The following AAK1 variants were observed in gnomAD, a reference collection of about 807,000 sequenced individuals.
AAK1 encodes the protein AP2-associated protein kinase 1.
AAK1 carries 37 observed loss-of-function variants against 116.0 expected under a neutral mutation model. The ratio of observed to expected loss-of-function variants is 0.32; its 90% CI spans 0.25 to 0.42. The LOEUF (loss-of-function observed/expected upper bound fraction) is 0.42, where lower values mean the gene tolerates loss of function less well. Among genes scored for constraint, AAK1 ranks in the 10% least tolerant of loss-of-function variants. AAK1 has a pLI of 1.00. For synonymous variants in AAK1, 458 were observed against 439.9 expected (o/e 1.04, Z -0.51); for missense variants, 919 against 1,170.6 (o/e 0.79, Z 3.14).
rs759412496 is a variant in AAK1 at position 69,520,954 on chromosome 2, T to C, written c.1090A>G (p.Ile364Val). 1.2e-5 allele frequency: 19 copies of C among 1,613,808 alleles called. No homozygotes were observed. Among genetic ancestry groups the C allele is most frequent in the South Asian group, 3.3e-5 (3 of 91,060 alleles). ...GCTTTAGGCCTCTGGCGGGGTGCAA[T>C]TGAAGTCTCTGTGGTGGGAATGGGA... Reference protein sequence around the residue: ...TDPIPTTETSIAPRQRPKAGQ... With the variant: ...TDPIPTTETSVAPRQRPKAGQ... Residue 364 changes from isoleucine (I) to valine (V), a missense_variant, in exon 11 of 22, where the codon ATT (isoleucine) becomes GTT (valine). Transcript: ENST00000409085.
At chr2:69,490,351 T>G (rs980525593) in intron 17 of AAK1, among the ~76,000 whole-genome samples, 2 of 152,172 alleles carry the variant, frequency 1.3e-5, no homozygotes, top group Non-Finnish European at 2.9e-5. Context: ...AAGAGAAATT[T>G]GTGCACTCAA....
intron 2 of AAK1, among the ~76,000 whole-genome samples, chr2:69,609,658 C>T (rs922896260): frequency 6.6e-6 from 1 of 151,276 alleles, no homozygotes; most frequent in African/African-American, 2.4e-5. Context: ...AGTGAGACTC[C>T]ATCTAAAAAA....
chr2:69,469,610 C>G lies in AAK1; in HGVS notation c.*6259G>C. Reference sequence around the variant, plus strand: ...GCAGATACCCTGTGGCCATAGAGCTCAGTAAACACTGCCTGTTGTACCTCA... The same window carrying G: ...GCAGATACCCTGTGGCCATAGAGCTGAGTAAACACTGCCTGTTGTACCTCA... On this transcript the variant is annotated 3_prime_UTR_variant, in exon 22 of 22. Transcript: ENST00000409085. The G allele has an allele frequency of 7.1e-6, 7 of 985,456 alleles. No homozygotes were observed. The highest frequency in any genetic ancestry group is 8.4e-6 in the Non-Finnish European group (7 of 829,968). 61.0% of individuals were successfully genotyped at this position (985,456 alleles called of 1,614,324 possible). A position where few individuals can be genotyped will look rare whatever the true frequency, so the allele number is the denominator to read the frequency against.
Position 69,470,688 on chromosome 2 carries a change from C to T in AAK1, c.*5181G>A. 2 of 985,450 alleles carry T rather than the reference C, an allele frequency of 2.0e-6. No individual in the cohort carries two copies. The highest frequency in any genetic ancestry group is 2.4e-6 in the Non-Finnish European group (2 of 829,928). 61.0% of individuals were successfully genotyped at this position (985,450 alleles called of 1,614,324 possible). A position where few individuals can be genotyped will look rare whatever the true frequency, so the allele number is the denominator to read the frequency against. ...TTTACAACCCTGAGTCTGGTCATATCCAGTGTAGGCTGGCAGGCGTCTTAT... is the reference window on the plus strand; with the variant it reads ...TTTACAACCCTGAGTCTGGTCATATTCAGTGTAGGCTGGCAGGCGTCTTAT... On this transcript the variant is annotated 3_prime_UTR_variant, in exon 22 of 22. Transcript: ENST00000409085.
intron 2 of AAK1, among the ~76,000 whole-genome samples, chr2:69,638,231 A>G (rs898912007): frequency 1.1e-4 from 17 of 152,218 alleles, no homozygotes; most frequent in Non-Finnish European, 2.1e-4. Flanking sequence ...AAGATTCTCC[A>G]TAAAATTAGT....
At chr2:69,557,301 C>CGTTT (rs1312817253) in intron 2 of AAK1, among the ~76,000 whole-genome samples, 2 of 136,738 alleles carry the variant, frequency 1.5e-5, no homozygotes, top group African/African-American at 2.7e-5. Flanking sequence ...ATCCTATGTA[C>CGTTT]TTTTTTTTTT....
Position 69,465,676 on chromosome 2 carries a change from A to G in AAK1, c.*10193T>C. On this transcript the variant is annotated 3_prime_UTR_variant, in exon 22 of 22. Transcript: ENST00000409085. ...AATGGTTTGCCAGCCATGGGGCCTG[A>G]GACAGCTTCTTTCTGGAGCTGAGGT... 1 of 1,290,956 alleles carries G rather than the reference A, an allele frequency of 7.7e-7. No homozygotes were observed. The highest frequency in any genetic ancestry group is 5.5e-5 in the East Asian group (1 of 18,024). The allele number at this position is 1,290,956 out of a possible 1,614,324, so 80.0% of individuals were successfully genotyped here.
At position 69,581,779 on chromosome 2, in the gene AAK1, C is replaced by T. The variant is rs1055116332; in HGVS notation, c.164-24801G>A. On this transcript the variant is annotated intron_variant, in intron 2 of 21. Transcript: ENST00000409085. ...ATCACTTGAGCCCAGGAATTTGAGA[C>T]CGGCCTGGGCAACACAGCGAGACCC... is the stretch of plus-strand genomic sequence containing the variant. Among the ~76,000 whole-genome samples, 6 of 152,058 alleles carry T rather than the reference C, an allele frequency of 3.9e-5. No homozygotes were observed. The South Asian group carries it at 1.2e-3, about 31-fold the overall frequency.
intron 2 of AAK1, among the ~76,000 whole-genome samples, chr2:69,617,999 A>G (rs1342378333): frequency 6.6e-6 from 1 of 152,206 alleles, no homozygotes; most frequent in Non-Finnish European, 1.5e-5. Context: ...GAAGGGCTTC[A>G]CTAAGAATTA....
intron 2 of AAK1, among the ~76,000 whole-genome samples, chr2:69,562,063 G>A (rs193120592): frequency 6.6e-6 from 1 of 152,256 alleles, no homozygotes; most frequent in African/African-American, 2.4e-5. Context: ...TATGGACATA[G>A]ATAATTATTT....
rs1008472635 is a variant in AAK1, at chr2:69,643,184, G to A, written c.-144C>T. The A allele has an allele frequency of 7.0e-7, 1 of 1,434,346 alleles. No homozygotes were observed. Among genetic ancestry groups the A allele is most frequent in the South Asian group, 1.6e-5 (1 of 64,312 alleles). The allele number at this position is 1,434,346 out of a possible 1,614,324, so 88.9% of individuals were successfully genotyped here. On this transcript the variant is annotated 5_prime_UTR_variant, in exon 2 of 22. Coordinates refer to ENST00000409085, the MANE Select transcript of AAK1 (RefSeq NM_014911.5). Reference sequence around the variant, plus strand: ...CCACCCGAATCCGGCCGTGGGGGTGGGGGCTGAGGGAGGATGCCTATAGGA... The same window carrying A: ...CCACCCGAATCCGGCCGTGGGGGTGAGGGCTGAGGGAGGATGCCTATAGGA...
intron 2 of AAK1, among the ~76,000 whole-genome samples, chr2:69,589,089 AT>A (rs1433596224): frequency 6.6e-6 from 1 of 152,230 alleles, no homozygotes; most frequent in African/African-American, 2.4e-5. Context: ...GGGGTTAAAG[AT>A]CAAAGTTCAG....
intron 2 of AAK1, among the ~76,000 whole-genome samples, chr2:69,618,199 A>AAAGAATTC: frequency 6.6e-6 from 1 of 152,106 alleles, no homozygotes; most frequent in Admixed American, 6.5e-5. Context: ...AAAGGAGAAA[A>AAAGAATTC]AAGAATTCAT....
At position 69,480,922 on chromosome 2, in the gene AAK1, A is replaced by C. The variant is rs749497177; in HGVS notation, c.2507T>G (p.Leu836Arg). 1 of 1,607,712 alleles carries C rather than the reference A, an allele frequency of 6.2e-7. No homozygotes were observed. The highest frequency in any genetic ancestry group is 8.5e-7 in the Non-Finnish European group (1 of 1,177,628). Residue 836 changes from leucine (L) to arginine (R), a missense_variant, in exon 19 of 22, where the codon CTG (leucine) becomes CGG (arginine). By Grantham distance (102) the Leu-to-Arg change is moderately radical. Around this residue, in one of 4 missense-constraint regions of AAK1, gnomAD observed 263 missense variants for 285.5 expected, o/e 0.92. Transcript: ENST00000409085. Reference sequence around the variant, plus strand: ...GAGGCGCTGGGGAACTGGGGGCTCCAGTCCTGGTATGAGACTCTCAACAGC... The same window carrying C: ...GAGGCGCTGGGGAACTGGGGGCTCCCGTCCTGGTATGAGACTCTCAACAGC... ...DVAVESLIPG[L>R]EPPVPQRLPS...
chr2:69,505,812 T>C, intron 15 of AAK1, 139 bp from the exon 16 acceptor site: 1 of 575,734 alleles, frequency 1.7e-6, no homozygotes, highest in Admixed American at 3.2e-5. Flanking sequence ...CATTCAAAGG[T>C]CCTTGTCTAG....
chr2:69,583,414 ATATT>A (rs1672627473), intron 2 of AAK1, among the ~76,000 whole-genome samples: 1 of 152,202 alleles, frequency 6.6e-6, no homozygotes, highest in Non-Finnish European at 1.5e-5. Context: ...TTCCTTGGGG[ATATT>A]CACTCTTTAT....
chr2:69,506,209 G>GTT (rs1171594095), intron 15 of AAK1, among the ~76,000 whole-genome samples: 2 of 152,180 alleles, frequency 1.3e-5, no homozygotes. Flanking sequence ...TCAGGGGCTA[G>GTT]TTATTTGGGT....
intron 2 of AAK1, among the ~76,000 whole-genome samples, chr2:69,631,530 A>C (rs2105259035): frequency 1.3e-5 from 2 of 152,370 alleles, no homozygotes; most frequent in South Asian, 4.1e-4. Flanking sequence ...GCCAAGGTTA[A>C]CACAGAGCCC....
At position 69,469,896 on chromosome 2, in the gene AAK1, A is replaced by G; in HGVS notation, c.*5973T>C. The G allele has an allele frequency of 2.0e-6, 2 of 985,402 alleles. No individual in the cohort carries two copies. The highest frequency in any genetic ancestry group is 2.4e-6 in the Non-Finnish European group (2 of 829,944). The allele number at this position is 985,402 out of a possible 1,614,324, so 61.0% of individuals were successfully genotyped here. A position where few individuals can be genotyped will look rare whatever the true frequency, so the allele number is the denominator to read the frequency against. ...TATTTTGAGGCTCCAAATTATGTAGATTTCAGCAAGAACTCACATGCTTCA... is the reference window on the plus strand; with the variant it reads ...TATTTTGAGGCTCCAAATTATGTAGGTTTCAGCAAGAACTCACATGCTTCA... On this transcript the variant is annotated 3_prime_UTR_variant, in exon 22 of 22. Transcript: ENST00000409085.
Sources: allele counts gnomAD v4.1 joint callset (sites outside exome capture counted in the v4.1 genomes callset), GRCh38; gene constraint gnomAD v4.1.1; regional missense constraint gnomAD v4.1.1; transcripts MANE v1.5; gene names NCBI Gene and HGNC (gene_info 2026-07-23, HGNC 2026-07-21).